TBC1D8: variants seen among roughly 807,000 people sequenced by gnomAD.
TBC1D8 encodes TBC1 domain family member 8.
Under a neutral mutation model 118.8 loss-of-function variants are expected in TBC1D8, and 65 were observed. The observed-to-expected ratio is 0.55, with a 90% CI of 0.45 to 0.67. The LOEUF is 0.67. Among genes scored for constraint, TBC1D8 ranks in the 30% least tolerant of loss-of-function variants. TBC1D8 has a pLI of 0.00. For synonymous variants in TBC1D8, 566 were observed against 595.8 expected (o/e 0.95, Z 0.73); for missense variants, 1,376 against 1,471.2 (o/e 0.94, Z 1.06).
chr2:101,134,213 A>T (rs1185683923), intron 1 of TBC1D8, among the ~76,000 whole-genome samples: 3 of 151,238 alleles, frequency 2.0e-5, no homozygotes, highest in African/African-American at 4.9e-5. Context: ...ACACACACAC[A>T]CACACACACA....
At chr2:101,100,527 G>T (rs1374707426) in intron 1 of TBC1D8, among the ~76,000 whole-genome samples, 2 of 152,084 alleles carry the variant, frequency 1.3e-5, no homozygotes, top group African/African-American at 2.4e-5. Context: ...AATTTCATAT[G>T]GAATCAAAGA....
At chr2:101,127,234 G>A (rs1177038028) in intron 1 of TBC1D8, among the ~76,000 whole-genome samples, 2 of 152,044 alleles carry the variant, frequency 1.3e-5, no homozygotes, top group African/African-American at 4.8e-5. Flanking sequence ...TACTTGGGAG[G>A]CTGAGGCAGG....
intron 1 of TBC1D8, among the ~76,000 whole-genome samples, chr2:101,140,165 G>A (rs2104276311): frequency 6.6e-6 from 1 of 152,130 alleles, no homozygotes; most frequent in Non-Finnish European, 1.5e-5. Context: ...ACAAAGAGTG[G>A]GTTATGGTCA....
intron 1 of TBC1D8, among the ~76,000 whole-genome samples, chr2:101,093,982 CACCAT>C (rs1397450253): frequency 1.3e-5 from 2 of 152,088 alleles, no homozygotes; most frequent in Non-Finnish European, 2.9e-5. Flanking sequence ...AGGCGTGAGC[CACCAT>C]GCCTGGCTGA....
At position 101,075,495 on chromosome 2, in the gene TBC1D8, C is replaced by T. The variant is rs553926367; in HGVS notation, c.283+14714G>A. The stretch of plus-strand genomic sequence containing the variant: ...TGAATTGTAATTCCCACAATTCCCA[C>T]GTGTCAAGGGAGAGACCAGGTGGAG... On this transcript the variant is annotated intron_variant, in intron 2 of 19. Transcript: ENST00000409318. 1.6e-4 allele frequency among the ~76,000 whole-genome samples: 25 copies of T among 152,174 alleles called. No homozygotes were observed. The East Asian group carries it at 3.9e-3, about 23-fold the overall frequency.
Position 101,020,072 on chromosome 2 carries a change from C to CAA in TBC1D8, c.2827+1607_2827+1608dup, listed in dbSNP as rs200778679. On this transcript the variant is annotated intron_variant, in intron 17 of 19. Coordinates refer to ENST00000409318, the MANE Select transcript of TBC1D8 (RefSeq NM_001330348.2). ...TGGGCCACAGAGCGAAACTCCGTCT[C>CAA]AAAAAAAAAAAAAAAAGACAGTTAG... 2.2e-3 allele frequency among the ~76,000 whole-genome samples: 197 copies of CAA among 90,898 alleles called. 3 individuals are homozygous for CAA. The South Asian group carries it at 0.03, about 14-fold the overall frequency. 59.6% of individuals were successfully genotyped at this position (90,898 alleles called of 152,430 possible).
At chr2:101,050,334 T>TA (rs1264543154) in intron 5 of TBC1D8, 67 bp downstream of exon 5, 3 of 1,547,430 alleles carry the variant, frequency 1.9e-6, no homozygotes, top group Non-Finnish European at 1.7e-6. Flanking sequence ...CACTTGTACA[T>TA]AAGGGATGGG....
intron 17 of TBC1D8, among the ~76,000 whole-genome samples, 186 bp downstream of exon 17, chr2:101,021,495 T>C (rs1204130103): frequency 6.6e-6 from 1 of 152,150 alleles, no homozygotes; most frequent in Non-Finnish European, 1.5e-5. Context: ...CACTCCAGTT[T>C]GGGAGGTCCT....
chr2:101,096,792 A>G (rs201267402), intron 1 of TBC1D8, among the ~76,000 whole-genome samples: 1 of 126,856 alleles, frequency 7.9e-6, no homozygotes, highest in African/African-American at 2.9e-5. Flanking sequence ...AGTGAGAGAG[A>G]GGGGGAGAGA....
At chr2:101,046,591 C>G (rs762603449) in intron 5 of TBC1D8, among the ~76,000 whole-genome samples, 4 of 151,866 alleles carry the variant, frequency 2.6e-5, no homozygotes, top group South Asian at 2.1e-4. Flanking sequence ...GAGGAGGACT[C>G]GAGCTAGAAT....
intron 1 of TBC1D8, among the ~76,000 whole-genome samples, chr2:101,129,715 C>G (rs1337670111): frequency 1.3e-5 from 2 of 151,726 alleles, no homozygotes; most frequent in East Asian, 2.0e-4. Flanking sequence ...ACCATCCTGG[C>G]TAACACGGTG....
chr2:101,034,238 G>A (rs900047857), intron 9 of TBC1D8, among the ~76,000 whole-genome samples: 6 of 152,194 alleles, frequency 3.9e-5, no homozygotes, highest in South Asian at 4.1e-4. Context: ...CTTATAGAGC[G>A]AAGGGGAGAA....
chr2:101,012,010 A>G (rs187800245), intron 17 of TBC1D8, among the ~76,000 whole-genome samples: 1 of 150,804 alleles, frequency 6.6e-6, no homozygotes, highest in Non-Finnish European at 1.5e-5. Context: ...TTTCTTTTAA[A>G]AGTTGAAGAA....
chr2:101,015,945 C>T (rs878935207), intron 17 of TBC1D8, among the ~76,000 whole-genome samples: 3 of 151,770 alleles, frequency 2.0e-5, no homozygotes, highest in East Asian at 3.9e-4. Flanking sequence ...AAGACTTAAA[C>T]GTTAGACCTA....
At chr2:101,133,082 C>A (rs925630401) in intron 1 of TBC1D8, among the ~76,000 whole-genome samples, 1 of 150,382 alleles carries the variant, frequency 6.6e-6, no homozygotes, top group Non-Finnish European at 1.5e-5. Context: ...ATTGCTTGAA[C>A]CCGGGAGGCG....
chr2:101,093,668 T>G (rs1676197456), intron 1 of TBC1D8, among the ~76,000 whole-genome samples: 1 of 151,172 alleles, frequency 6.6e-6, no homozygotes. Context: ...TGAGCCAAGA[T>G]CACACCACTG....
At chr2:101,035,838 T>C (rs1038838481) in intron 9 of TBC1D8, among the ~76,000 whole-genome samples, 180 bp downstream of exon 9, 4 of 152,224 alleles carry the variant, frequency 2.6e-5, no homozygotes, top group Non-Finnish European at 5.9e-5. Context: ...CCAGGCAGCC[T>C]GACCCAGGTC....
intron 17 of TBC1D8, among the ~76,000 whole-genome samples, chr2:101,011,800 A>G (rs769215221): frequency 6.6e-6 from 1 of 152,226 alleles, no homozygotes; most frequent in South Asian, 2.1e-4. Flanking sequence ...ACATTCATAG[A>G]AGGACACTGC....
At chr2:101,052,172 C>T (rs1399806182) in intron 4 of TBC1D8, among the ~76,000 whole-genome samples, 7 of 152,108 alleles carry the variant, frequency 4.6e-5, no homozygotes, top group African/African-American at 7.2e-5. Context: ...TTCATGATCT[C>T]GTTCAGAGAA....
Sources: allele counts gnomAD v4.1 joint callset (sites outside exome capture counted in the v4.1 genomes callset), GRCh38; gene constraint gnomAD v4.1.1; transcripts MANE v1.5; gene names NCBI Gene and HGNC (gene_info 2026-07-23, HGNC 2026-07-21).